Variants in CSNK1G1 observed in about 807,000 individuals in gnomAD.
CSNK1G1 encodes the protein casein kinase I isoform gamma-1.
A neutral mutation model predicts 59.6 loss-of-function variants in CSNK1G1; 22 were observed. The observed-to-expected ratio is 0.37, with a 90% CI of 0.26 to 0.53. The LOEUF (loss-of-function observed/expected upper bound fraction) is 0.53, where lower values mean the gene tolerates loss of function less well. CSNK1G1 is among the 20% of genes least tolerant of loss of function. The pLI is 0.89. For synonymous variants in CSNK1G1, 179 were observed against 177.1 expected (o/e 1.01, Z -0.08); for missense variants, 384 against 519.5 (o/e 0.74, Z 2.54).
intron 4 of CSNK1G1, among the ~76,000 whole-genome samples, chr15:64,224,484 T>C (rs549211290): frequency 6.6e-6 from 1 of 152,172 alleles, no homozygotes; most frequent in Admixed American, 6.5e-5. Flanking sequence ...CAATGCATTA[T>C]TACAAAGATA....
Position 64,251,551 on chromosome 15 carries a change from G to A in CSNK1G1, c.253C>T (p.His85Tyr). 6.2e-7 allele frequency: 1 copy of A among 1,612,802 alleles called. No individual in the cohort carries two copies. Among genetic ancestry groups the A allele is most frequent in the Non-Finnish European group, 8.5e-7 (1 of 1,179,164 alleles). ...TGTTTATAAAATCTGTACTCTAAAT[G>A]AAGCTGTGGAGCACGTGATTTTATT... ...EPIKSRAPQL[H>Y]LEYRFYKQLG... The change falls in exon 4 of 12, where the codon CAT (histidine) becomes TAT (tyrosine). Residue 85 changes from histidine (H) to tyrosine (Y), a missense_variant. Around this residue, in one of 3 missense-constraint regions of CSNK1G1, gnomAD observed 325 missense variants for 440.9 expected, o/e 0.74. Coordinates refer to ENST00000303052, the MANE Select transcript of CSNK1G1 (RefSeq NM_022048.5).
chr15:64,177,583 A>C (rs931234368), intron 11 of CSNK1G1, among the ~76,000 whole-genome samples: 3 of 152,206 alleles, frequency 2.0e-5, no homozygotes, highest in Admixed American at 2.0e-4. Context: ...CCAAACCTGA[A>C]GCTGGTGGCA....
At position 64,213,909 on chromosome 15, in the gene CSNK1G1, G is replaced by A. The variant is rs2082278962; in HGVS notation, c.660C>T (p.Ile220=). 1.9e-6 allele frequency: 3 copies of A among 1,613,180 alleles called. No homozygotes were observed. Among genetic ancestry groups the A allele is most frequent in the Non-Finnish European group, 2.5e-6 (3 of 1,179,224 alleles). ...SLTGTARYMS[I]NTHLGKEQSR... is the part of the protein sequence containing the mutation. ...ACACACCTTTGCCAAGATGCGTGTTGATAGACATATATCTTGCAGTTCCAG... is the reference window on the plus strand; with the variant it reads ...ACACACCTTTGCCAAGATGCGTGTTAATAGACATATATCTTGCAGTTCCAG... The change falls in exon 6 of 12, where the codon ATC becomes ATT. Residue 220 remains isoleucine, a synonymous_variant. Transcript: ENST00000303052.
intron 4 of CSNK1G1, among the ~76,000 whole-genome samples, chr15:64,237,055 A>G (rs1184621950): frequency 6.6e-6 from 1 of 152,226 alleles, no homozygotes. Context: ...GATATCATTC[A>G]TAAGTGCTAA....
intron 10 of CSNK1G1, among the ~76,000 whole-genome samples, chr15:64,189,842 G>A (rs1007674176): frequency 3.2e-4 from 45 of 142,220 alleles, no homozygotes; most frequent in Non-Finnish European, 5.6e-4. Context: ...TTTTTGAGAC[G>A]GAGTCTCGCT....
At chr15:64,347,337 C>T (rs2140486816) in intron 1 of CSNK1G1, among the ~76,000 whole-genome samples, 1 of 152,144 alleles carries the variant, frequency 6.6e-6, no homozygotes, top group East Asian at 1.9e-4. Context: ...ATAGAAAAAC[C>T]TACACATGTA....
intron 1 of CSNK1G1, among the ~76,000 whole-genome samples, chr15:64,314,551 C>T (rs1451453090): frequency 7.4e-6 from 1 of 135,652 alleles, no homozygotes. Context: ...CTTCACCACA[C>T]TGTACCACAG....
chr15:64,229,902 A>ATCT (rs2082520139), intron 4 of CSNK1G1, among the ~76,000 whole-genome samples: 1 of 43,808 alleles, frequency 2.3e-5, no homozygotes, highest in Non-Finnish European at 4.0e-5. Flanking sequence ...ATGTTTGTAA[A>ATCT]TTTTTTTTTT....
At chr15:64,312,131 A>G (rs1033982592) in intron 1 of CSNK1G1, among the ~76,000 whole-genome samples, 3 of 152,234 alleles carry the variant, frequency 2.0e-5, no homozygotes, top group Non-Finnish European at 2.9e-5. Context: ...AAAACATTCC[A>G]TGCTCATGGA....
intron 4 of CSNK1G1, among the ~76,000 whole-genome samples, chr15:64,243,438 A>T (rs1427632589): frequency 6.6e-6 from 1 of 152,126 alleles, no homozygotes; most frequent in African/African-American, 2.4e-5. Context: ...AAATACAGCT[A>T]ACATCATTTT....
intron 1 of CSNK1G1, among the ~76,000 whole-genome samples, chr15:64,350,492 C>T (rs1478277307): frequency 1.3e-5 from 2 of 151,490 alleles, no homozygotes; most frequent in African/African-American, 4.9e-5. Context: ...CAGAGCAAGA[C>T]TCTGTCTCCA....
chr15:64,217,271 G>GT (rs1016119825), intron 4 of CSNK1G1, among the ~76,000 whole-genome samples: 10 of 152,070 alleles, frequency 6.6e-5, no homozygotes, highest in Non-Finnish European at 1.3e-4. Context: ...ATAGTTTTTT[G>GT]TTTTTTATCA....
intron 2 of CSNK1G1, among the ~76,000 whole-genome samples, chr15:64,266,406 T>G (rs1566925952): frequency 6.6e-6 from 1 of 151,652 alleles, no homozygotes; most frequent in Non-Finnish European, 1.5e-5. Flanking sequence ...AAAATAAAAA[T>G]AAAAAATCGG....
intron 2 of CSNK1G1, among the ~76,000 whole-genome samples, chr15:64,290,392 G>A (rs368152252): frequency 6.6e-6 from 1 of 151,266 alleles, no homozygotes; most frequent in Non-Finnish European, 1.5e-5. Flanking sequence ...CTACTATTCC[G>A]CCCTTAAAAA....
At chr15:64,201,752 T>TGTGTGTGTGTG (rs1555499653) in intron 10 of CSNK1G1, among the ~76,000 whole-genome samples, 1 of 108,282 alleles carries the variant, frequency 9.2e-6, no homozygotes, top group African/African-American at 3.2e-5. Context: ...GTGTGTGTGT[T>TGTGTGTGTGTG]TATATACTAT....
chr15:64,300,925 C>T (rs1030148766), intron 1 of CSNK1G1, among the ~76,000 whole-genome samples: 1 of 152,106 alleles, frequency 6.6e-6, no homozygotes, highest in African/African-American at 2.4e-5. Context: ...AGGCTGCAAA[C>T]CATAGAAGCT....
chr15:64,237,245 A>C (rs932672721), intron 4 of CSNK1G1, among the ~76,000 whole-genome samples: 7 of 152,188 alleles, frequency 4.6e-5, no homozygotes, highest in Non-Finnish European at 1.0e-4. Flanking sequence ...TGTATATAAC[A>C]AAATTGCACA....
intron 1 of CSNK1G1, among the ~76,000 whole-genome samples, chr15:64,339,698 A>G (rs1407958132): frequency 1.3e-5 from 2 of 152,238 alleles, no homozygotes; most frequent in East Asian, 3.8e-4. Flanking sequence ...TTAATTATGT[A>G]ATTAAGATTA....
chr15:64,303,543 G>A (rs1224172731), intron 1 of CSNK1G1, among the ~76,000 whole-genome samples: 1 of 151,912 alleles, frequency 6.6e-6, no homozygotes, highest in Non-Finnish European at 1.5e-5. Context: ...CCTGAGGTCA[G>A]GAGTTCAAGA....
Sources: allele counts gnomAD v4.1 joint callset (sites outside exome capture counted in the v4.1 genomes callset), GRCh38; gene constraint gnomAD v4.1.1; regional missense constraint gnomAD v4.1.1; transcripts MANE v1.5; gene names NCBI Gene and HGNC (gene_info 2026-07-23, HGNC 2026-07-21).